KLHL32: variants seen among roughly 807,000 people sequenced by gnomAD.
KLHL32 encodes kelch-like protein 32.
KLHL32 carries 35 observed loss-of-function variants against 64.8 expected under a neutral mutation model. That is an observed-to-expected ratio of 0.54 (90% CI 0.41 to 0.72). The LOEUF (loss-of-function observed/expected upper bound fraction) is 0.72, where lower values mean the gene tolerates loss of function less well. Among genes scored for constraint, KLHL32 ranks in the 30% least tolerant of loss-of-function variants. The pLI is 0.00. For missense variants in KLHL32, 589 were observed against 768.5 expected (o/e 0.77, Z 2.76); for synonymous variants, 259 against 281.0 (o/e 0.92, Z 0.78).
rs1244645842 is a variant in KLHL32 at position 97,140,331 on chromosome 6, C to G, written c.*1049C>G. ...ATTATGGTACCATAAAGTGCTTTGACATAAATTTGAACCTAGAATTGGCAG... is the reference window on the plus strand; with the variant it reads ...ATTATGGTACCATAAAGTGCTTTGAGATAAATTTGAACCTAGAATTGGCAG... On this transcript the variant is annotated 3_prime_UTR_variant, in exon 11 of 11. Coordinates refer to ENST00000369261, the MANE Select transcript of KLHL32 (RefSeq NM_052904.4). 2.0e-5 allele frequency: 3 copies of G among 152,006 alleles called. No homozygotes were observed. Among genetic ancestry groups the G allele is most frequent in the African/African-American group, 7.2e-5 (3 of 41,424 alleles). The allele number at this position is 152,006 out of a possible 1,614,324, so 9.4% of individuals were successfully genotyped here. A position where few individuals can be genotyped will look rare whatever the true frequency, so the allele number is the denominator to read the frequency against.
rs1792013142 is a variant in KLHL32, at chr6:97,078,810, A to AC, written c.412-6312dup. ...CCACTGTAGACTAACTCCATTATCT[A>AC]CCCCACAAACAGATATCATATAATT... On this transcript the variant is annotated intron_variant, in intron 5 of 10. Coordinates refer to ENST00000369261, the MANE Select transcript of KLHL32 (RefSeq NM_052904.4). 2.0e-5 allele frequency among the ~76,000 whole-genome samples: 3 copies of AC among 152,260 alleles called. No individual in the cohort carries two copies. In the South Asian group the frequency reaches 6.2e-4, roughly 32 times the overall value.
intron 1 of KLHL32, among the ~76,000 whole-genome samples, chr6:96,950,261 G>A (rs1340122653): frequency 6.6e-6 from 1 of 151,204 alleles, no homozygotes; most frequent in African/African-American, 2.4e-5. Flanking sequence ...CTCTAAACAA[G>A]AACAATGTCT....
rs1300254068 is a variant in KLHL32, at chr6:97,084,556, G to A, written c.412-570G>A. On this transcript the variant is annotated intron_variant, in intron 5 of 10. Coordinates refer to ENST00000369261, the MANE Select transcript of KLHL32 (RefSeq NM_052904.4). ...ATTCAATATAGAATTATTCAAACAG[G>A]AGTCTTTTCTGTGAGATTTCCTCAT... 2.0e-5 allele frequency among the ~76,000 whole-genome samples: 3 copies of A among 152,182 alleles called. 1 individual carries two copies. Among genetic ancestry groups the A allele is most frequent in the Non-Finnish European group, 4.4e-5 (3 of 68,044 alleles).
At chr6:96,966,866 C>T (rs908889650) in intron 1 of KLHL32, 130 bp from the exon 2 acceptor site, 4 of 508,142 alleles carry the variant, frequency 7.9e-6, no homozygotes, top group African/African-American at 3.8e-5. Flanking sequence ...TGTGTCAGAA[C>T]GTTTTATGTG....
upstream of KLHL32, among the ~76,000 whole-genome samples, chr6:96,919,997 G>C (rs1044001825): frequency 2.0e-5 from 3 of 152,150 alleles, no homozygotes; most frequent in Non-Finnish European, 1.5e-5. Flanking sequence ...GATGTAATGA[G>C]TTTCAAAAGG....
At chr6:96,931,809 C>T (rs1177738620) in intron 1 of KLHL32, among the ~76,000 whole-genome samples, 2 of 151,884 alleles carry the variant, frequency 1.3e-5, no homozygotes, top group East Asian at 1.9e-4. Context: ...ATATGGTAGC[C>T]GAGATGACAT....
chr6:97,002,181 T>A (rs1278392093), intron 3 of KLHL32, among the ~76,000 whole-genome samples: 3 of 152,164 alleles, frequency 2.0e-5, no homozygotes, highest in Non-Finnish European at 4.4e-5. Context: ...ATAAGAACAA[T>A]GTTCCTGCTC....
At chr6:97,034,441 A>G (rs539585406) in intron 3 of KLHL32, among the ~76,000 whole-genome samples, 26 of 152,208 alleles carry the variant, frequency 1.7e-4, no homozygotes, top group African/African-American at 6.0e-4. Context: ...GAAATCAGGA[A>G]GTGTGATGCC....
intron 6 of KLHL32, among the ~76,000 whole-genome samples, chr6:97,113,493 AT>A (rs929136174): frequency 6.6e-6 from 1 of 152,192 alleles, no homozygotes; most frequent in African/African-American, 2.4e-5. Context: ...CAGCATTTTC[AT>A]TCTTTGAAAA....
At chr6:96,959,347 A>T (rs1218433497) in intron 1 of KLHL32, among the ~76,000 whole-genome samples, 1 of 152,164 alleles carries the variant, frequency 6.6e-6, no homozygotes, top group Non-Finnish European at 1.5e-5. Flanking sequence ...CTGCCATAAC[A>T]AAGTACCACA....
At chr6:96,914,651 C>T in the KLHL32 span, 1 of 152,108 alleles carries the variant, frequency 6.6e-6, no homozygotes, top group Non-Finnish European at 1.5e-5. Context: ...ATCCCATGTT[C>T]CCAGCACTTA....
At chr6:97,137,548 T>TC (rs1213609082) in intron 10 of KLHL32, among the ~76,000 whole-genome samples, 3 of 152,034 alleles carry the variant, frequency 2.0e-5, no homozygotes, top group Non-Finnish European at 4.4e-5. Flanking sequence ...TCTTTTTTTT[T>TC]CCCCCAGACG....
At chr6:96,954,126 T>A (rs1444191208) in intron 1 of KLHL32, among the ~76,000 whole-genome samples, 1 of 152,116 alleles carries the variant, frequency 6.6e-6, no homozygotes, top group East Asian at 1.9e-4. Flanking sequence ...TCTCAATATG[T>A]ACTCCCTTGT....
At chr6:96,899,553 A>G in the KLHL32 span, among the ~76,000 whole-genome samples, 1 of 152,226 alleles carries the variant, frequency 6.6e-6, no homozygotes, top group Admixed American at 6.5e-5. Flanking sequence ...ACACATTCCA[A>G]TAGAGCTTGG....
the KLHL32 span, among the ~76,000 whole-genome samples, chr6:96,914,002 C>T: frequency 2.7e-3 from 405 of 152,202 alleles, 2 homozygotes; most frequent in Non-Finnish European, 4.5e-3. Context: ...TAATGAGAAC[C>T]GTCCTTAAAA....
intron 3 of KLHL32, among the ~76,000 whole-genome samples, chr6:97,036,660 G>T (rs369795626): frequency 2.2e-4 from 33 of 152,338 alleles, no homozygotes; most frequent in African/African-American, 7.2e-4. Context: ...ATGTGCAGGG[G>T]CACTGGTTTT....
chr6:97,103,863 C>A (rs1796071366), intron 6 of KLHL32, among the ~76,000 whole-genome samples: 1 of 152,174 alleles, frequency 6.6e-6, no homozygotes, highest in Non-Finnish European at 1.5e-5. Context: ...ATTTTGGTTG[C>A]CTCTACCACC....
rs182976338 is a variant in KLHL32, at chr6:97,052,142, A to G, written c.312+10543A>G. Among the ~76,000 whole-genome samples, 590 of 152,354 alleles carry G rather than the reference A, an allele frequency of 3.9e-3. 9 individuals are homozygous for G. Among genetic ancestry groups the G allele is most frequent in the African/African-American group, 0.013 (561 of 41,582 alleles). Reference sequence around the variant, plus strand: ...CAAACGAAAGAAGTTTGTGTTTAAAATCCTTTATATTTCAGTGTGTACATG... The same window carrying G: ...CAAACGAAAGAAGTTTGTGTTTAAAGTCCTTTATATTTCAGTGTGTACATG... On this transcript the variant is annotated intron_variant, in intron 4 of 10. Transcript: ENST00000369261.
chr6:96,953,149 C>T (rs1194634078), intron 1 of KLHL32, among the ~76,000 whole-genome samples: 1 of 152,184 alleles, frequency 6.6e-6, no homozygotes, highest in Non-Finnish European at 1.5e-5. Context: ...TTTGTCTGTG[C>T]AGCAGGCAAG....
Sources: gnomAD v4.1 joint callset for allele counts (sites outside exome capture counted in the v4.1 genomes callset) on GRCh38, gnomAD v4.1.1 for gene constraint, MANE v1.5 for transcripts, NCBI Gene and HGNC (gene_info 2026-07-23, HGNC 2026-07-21) for gene names.